Variants in HMCN1 observed in about 807,000 individuals in gnomAD.
HMCN1 encodes hemicentin-1.
HMCN1 carries 321 observed loss-of-function variants against 625.9 expected under a neutral mutation model. The observed-to-expected ratio is 0.51, with a 90% CI of 0.47 to 0.56. The LOEUF is 0.56. Among genes scored for constraint, HMCN1 ranks in the 20% least tolerant of loss-of-function variants. The probability of loss-of-function intolerance (pLI) is 0.00; values close to 1 mark genes in which losing one functional copy is unlikely to be tolerated. For synonymous variants in HMCN1, 2,425 were observed against 2,417.6 expected (o/e 1.00, Z -0.09); for missense variants, 6,588 against 6,887.3 (o/e 0.96, Z 1.54).
chr1:186,171,308 T>C (rs749652494), intron 100 of HMCN1, 29 bp from the exon 101 acceptor site: 27 of 1,481,328 alleles, frequency 1.8e-5, no homozygotes, highest in Admixed American at 6.7e-5. Context: ...CCTAATAGCA[T>C]ATAATGAAAG....
At chr1:186,002,718 A>G (rs1278099592) in intron 28 of HMCN1, among the ~76,000 whole-genome samples, 3 of 151,974 alleles carry the variant, frequency 2.0e-5, no homozygotes, top group African/African-American at 7.2e-5. Context: ...AATTTTCTCC[A>G]TAGTATTGTG....
At chr1:185,998,511 G>A (rs1372737803) in intron 25 of HMCN1, among the ~76,000 whole-genome samples, 1 of 152,112 alleles carries the variant, frequency 6.6e-6, no homozygotes, top group Non-Finnish European at 1.5e-5. Context: ...AAGCCTGGAA[G>A]GAGGCCTTCT....
At chr1:185,976,223 G>A (rs1332318852) in intron 15 of HMCN1, among the ~76,000 whole-genome samples, 1 of 152,050 alleles carries the variant, frequency 6.6e-6, no homozygotes, top group Non-Finnish European at 1.5e-5. Flanking sequence ...ATTAAAGATT[G>A]CCAATATTTC....
chr1:186,175,465 G>A (rs567150256), intron 103 of HMCN1, among the ~76,000 whole-genome samples: 3 of 152,080 alleles, frequency 2.0e-5, no homozygotes, highest in Non-Finnish European at 1.5e-5. Context: ...TATTTTGTAT[G>A]TACCAAATGT....
rs763736827 is a variant in HMCN1 at position 186,047,781 on chromosome 1, G to A, written c.6481-962G>A. On this transcript the variant is annotated intron_variant, in intron 41 of 106. Coordinates refer to ENST00000271588, the MANE Select transcript of HMCN1 (RefSeq NM_031935.3). ...GTAAAATGAGAAGGTTGGATTTTAT[G>A]TCCTCTTTCAAGCCTAATATTCTTT... is the stretch of plus-strand genomic sequence containing the variant. Among the ~76,000 whole-genome samples, 18 of 152,162 alleles carry A rather than the reference G, an allele frequency of 1.2e-4. 1 individual carries two copies. In the South Asian group the frequency reaches 3.5e-3, roughly 30 times the overall value.
At chr1:185,829,305 G>A (rs1263960888) in intron 1 of HMCN1, among the ~76,000 whole-genome samples, 3 of 151,406 alleles carry the variant, frequency 2.0e-5, no homozygotes, top group African/African-American at 2.4e-5. Context: ...AAAAATAAAA[G>A]GGGGATACGT....
intron 52 of HMCN1, among the ~76,000 whole-genome samples, chr1:186,073,344 C>T (rs894960534): frequency 2.0e-5 from 3 of 152,044 alleles, no homozygotes; most frequent in African/African-American, 7.2e-5. Context: ...CTGATTGGAA[C>T]ATATCAAGAA....
intron 36 of HMCN1, among the ~76,000 whole-genome samples, chr1:186,034,717 A>G (rs1655707772): frequency 6.6e-6 from 1 of 152,208 alleles, no homozygotes; most frequent in African/African-American, 2.4e-5. Flanking sequence ...AAAATGCCTC[A>G]AAACTCACTG....
intron 42 of HMCN1, among the ~76,000 whole-genome samples, chr1:186,052,311 C>T (rs1185038202): frequency 6.6e-6 from 1 of 152,008 alleles, no homozygotes; most frequent in Admixed American, 6.6e-5. Context: ...TACCAGCTGA[C>T]AGTCCTGCAG....
intron 1 of HMCN1, among the ~76,000 whole-genome samples, chr1:185,766,645 A>T (rs1655894798): frequency 6.6e-6 from 1 of 152,140 alleles, no homozygotes; most frequent in South Asian, 2.1e-4. Context: ...AGGCAGTTAA[A>T]ACAGAGCTAG....
chr1:185,777,583 C>T (rs1456590464), intron 1 of HMCN1, among the ~76,000 whole-genome samples: 2 of 152,138 alleles, frequency 1.3e-5, no homozygotes, highest in Non-Finnish European at 2.9e-5. Flanking sequence ...TCCTGAGTAG[C>T]TGGGACTACA....
chr1:185,858,651 C>T (rs1662647146), intron 2 of HMCN1, among the ~76,000 whole-genome samples: 1 of 99,362 alleles, frequency 1.0e-5, no homozygotes, highest in Non-Finnish European at 1.9e-5. Context: ...GGGATTTCCT[C>T]TGTTGCACAG....
At position 186,130,753 on chromosome 1, in the gene HMCN1, C is replaced by T. The variant is rs184886696; in HGVS notation, c.13230+56C>T. The T allele has an allele frequency of 1.2e-5, 17 of 1,390,674 alleles. No homozygotes were observed. In the African/African-American group the frequency reaches 1.6e-4, roughly 13 times the overall value. The allele number at this position is 1,390,674 out of a possible 1,614,324, so 86.1% of individuals were successfully genotyped here. A position where few individuals can be genotyped will look rare whatever the true frequency, so the allele number is the denominator to read the frequency against. On this transcript the variant is annotated intron_variant, in intron 85 of 106. Transcript: ENST00000271588. ...TTAAACCCCCACAGCCAATACCCCT[C>T]TGTGAGTGCCATAGATAAGAAACAT... is the stretch of plus-strand genomic sequence containing the variant.
At chr1:185,839,388 T>C (rs948556553) in intron 1 of HMCN1, among the ~76,000 whole-genome samples, 9 of 152,234 alleles carry the variant, frequency 5.9e-5, no homozygotes, top group African/African-American at 2.2e-4. Flanking sequence ...TTTTGTTTGC[T>C]TTCAGGGTAC....
At chr1:185,778,501 C>T (rs964179988) in intron 1 of HMCN1, among the ~76,000 whole-genome samples, 5 of 129,896 alleles carry the variant, frequency 3.8e-5, no homozygotes, top group African/African-American at 1.4e-4. Context: ...CCCCCCGCCC[C>T]CACCCCACAA....
intron 105 of HMCN1, among the ~76,000 whole-genome samples, chr1:186,182,802 A>T (rs536197764): frequency 6.6e-6 from 1 of 152,346 alleles, no homozygotes; most frequent in South Asian, 2.1e-4. Flanking sequence ...GATAAATAAG[A>T]TAGAGTCTTC....
chr1:185,877,104 G>T (rs1425188898), intron 4 of HMCN1, among the ~76,000 whole-genome samples: 1 of 151,670 alleles, frequency 6.6e-6, no homozygotes, highest in African/African-American at 2.4e-5. Context: ...AGATACAAAG[G>T]GTCTAATTTC....
intron 1 of HMCN1, among the ~76,000 whole-genome samples, chr1:185,792,510 A>C (rs558331149): frequency 2.5e-4 from 37 of 147,758 alleles, no homozygotes; most frequent in Admixed American, 3.3e-4. Context: ...AATATCAAAA[A>C]ATAAACTTGA....
chr1:185,946,421 C>A (rs1668350223), intron 11 of HMCN1, among the ~76,000 whole-genome samples: 1 of 152,186 alleles, frequency 6.6e-6, no homozygotes, highest in Non-Finnish European at 1.5e-5. Flanking sequence ...TGTAAAACTT[C>A]AGAAGTCTCC....
Sources: gnomAD v4.1 joint callset for allele counts (sites outside exome capture counted in the v4.1 genomes callset) on GRCh38, gnomAD v4.1.1 for gene constraint, MANE v1.5 for transcripts, NCBI Gene and HGNC (gene_info 2026-07-23, HGNC 2026-07-21) for gene names.